The following FBXO25 variants were observed in gnomAD, a reference collection of about 807,000 sequenced individuals.
The protein encoded by FBXO25 is F-box only protein 25.
Under a neutral mutation model 51.9 loss-of-function variants are expected in FBXO25, and 45 were observed. That is an observed-to-expected ratio of 0.87 (90% CI 0.68 to 1.11). The LOEUF (loss-of-function observed/expected upper bound fraction) is 1.11, where lower values mean the gene tolerates loss of function less well. Among genes scored for constraint, FBXO25 ranks in the 50% most tolerant of loss-of-function variants. The pLI is 0.00. For missense variants in FBXO25, 507 were observed against 428.5 expected (o/e 1.18, Z -1.62); for synonymous variants, 199 against 151.0 (o/e 1.32, Z -2.33).
chr8:441,739 T>C (rs1585056022), intron 5 of FBXO25, among the ~76,000 whole-genome samples: 4 of 152,318 alleles, frequency 2.6e-5, no homozygotes. Context: ...AAGAAATTTA[T>C]GCAGCCAACA....
At chr8:411,089 T>C (rs149402593) in intron 1 of FBXO25, among the ~76,000 whole-genome samples, 8,533 of 152,284 alleles carry the variant, frequency 0.056, 267 homozygotes, top group Middle Eastern at 0.082. Context: ...TTATTCTCCA[T>C]GATGTAAATA....
chr8:430,634 C>T (rs974657724), intron 2 of FBXO25, among the ~76,000 whole-genome samples: 3 of 152,160 alleles, frequency 2.0e-5, no homozygotes, highest in Non-Finnish European at 4.4e-5. Context: ...AATCTGTTAT[C>T]AGTGTGTGGA....
chr8:437,691 G>C (rs1798182983), intron 5 of FBXO25, among the ~76,000 whole-genome samples: 1 of 151,718 alleles, frequency 6.6e-6, no homozygotes. Context: ...TAACCTCCCT[G>C]GCCCATGCCC....
rs114543850 is a variant in FBXO25, at chr8:431,855, C to G, written c.238+411C>G. Among the ~76,000 whole-genome samples, 758 of 152,226 alleles carry G rather than the reference C, an allele frequency of 5.0e-3. 8 individuals are homozygous for G. The highest frequency in any genetic ancestry group is 0.017 in the African/African-American group (713 of 41,546). ...GGGGAAGGCTGGAGGTGGGACCTAT[C>G]TATGTGAGGGCATAGAGCTCTATCA... is the stretch of plus-strand genomic sequence containing the variant. On this transcript the variant is annotated intron_variant, in intron 3 of 9. Transcript: ENST00000350302.
chr8:458,287 C>A, intron 7 of FBXO25, 82 bp from the exon 8 acceptor site: 1 of 1,462,702 alleles, frequency 6.8e-7, no homozygotes, highest in South Asian at 1.3e-5. Context: ...TTGAAGCATT[C>A]ATTCCAGCTT....
chr8:446,650 T>C (rs922163791), intron 5 of FBXO25, among the ~76,000 whole-genome samples: 3 of 152,220 alleles, frequency 2.0e-5, no homozygotes, highest in African/African-American at 7.2e-5. Flanking sequence ...ATTCAGTTAA[T>C]TTGAAAAGAT....
intron 5 of FBXO25, among the ~76,000 whole-genome samples, chr8:439,283 C>T (rs962182436): frequency 5.3e-5 from 8 of 152,196 alleles, no homozygotes; most frequent in Admixed American, 5.2e-4. Flanking sequence ...GACAGCCAGG[C>T]ACGAACAGCC....
At chr8:408,322 C>T (rs1406655991) in intron 1 of FBXO25, among the ~76,000 whole-genome samples, 2 of 123,422 alleles carry the variant, frequency 1.6e-5, no homozygotes, top group African/African-American at 2.8e-5. Flanking sequence ...CTGTAATAGA[C>T]GGTAAAAAAA....
chr8:441,481 C>T (rs964209873), intron 5 of FBXO25, among the ~76,000 whole-genome samples: 2 of 152,060 alleles, frequency 1.3e-5, no homozygotes, highest in Non-Finnish European at 2.9e-5. Flanking sequence ...TCTAAAACAC[C>T]AAAAGCAATG....
chr8:467,705 T>C lies in FBXO25; in HGVS notation c.988-1010T>C, dbSNP rs61010875. On this transcript the variant is annotated intron_variant, in intron 9 of 9. Transcript: ENST00000350302. The stretch of plus-strand genomic sequence containing the variant: ...CACTGCATTCCTTCCTGATTCTTTC[T>C]TCATGATCTCGAAGGACTACCATCT... The C allele has an allele frequency of 6.8e-6, 11 of 1,613,932 alleles. No individual in the cohort carries two copies. The East Asian group carries it at 2.5e-4, about 36-fold the overall frequency.
chr8:412,475 C>A (rs1563058960), intron 1 of FBXO25, among the ~76,000 whole-genome samples: 2 of 152,202 alleles, frequency 1.3e-5, no homozygotes, highest in Non-Finnish European at 2.9e-5. Flanking sequence ...TGACCCTCAC[C>A]CCATACCTTC....
In FBXO25 at chr8:413,235, C is replaced by T. The variant is rs1489133783; in HGVS notation, c.134+22C>T. 7.8e-6 allele frequency: 12 copies of T among 1,548,150 alleles called. No homozygotes were observed. In the South Asian group the frequency reaches 8.9e-5, roughly 11 times the overall value. On this transcript the variant is annotated intron_variant, in intron 2 of 9. Transcript: ENST00000350302. ...GCATGTAAGTTACAGCTGAGCAGAA[C>T]CATGCCATTTGCCAGTTTAGCATGT...
intron 5 of FBXO25, among the ~76,000 whole-genome samples, chr8:440,780 C>T (rs1314196841): frequency 1.5e-4 from 22 of 150,466 alleles, no homozygotes; most frequent in African/African-American, 5.4e-4. Flanking sequence ...ATGTTCCCCT[C>T]CCTGTGCCCA....
At chr8:444,789 C>T (rs374854874) in intron 5 of FBXO25, among the ~76,000 whole-genome samples, 1 of 152,228 alleles carries the variant, frequency 6.6e-6, no homozygotes, top group African/African-American at 2.4e-5. Context: ...TATACAGATA[C>T]TTGCCATTAT....
At chr8:441,691 A>G (rs1798435343) in intron 5 of FBXO25, among the ~76,000 whole-genome samples, 1 of 152,216 alleles carries the variant, frequency 6.6e-6, no homozygotes, top group African/African-American at 2.4e-5. Context: ...ACCCCATCAA[A>G]AAGTGGGTAA....
rs549768717 is a variant in FBXO25 at position 466,263 on chromosome 8, A to C, written c.988-2452A>C. 2.6e-5 allele frequency among the ~76,000 whole-genome samples: 4 copies of C among 152,362 alleles called. No homozygotes were observed. In the East Asian group the frequency reaches 7.7e-4, roughly 29 times the overall value. ...TGCCCAGTGTGGCTAACCAGAGGCG[A>C]GTGGCCTGGTGGGCCAAACCCAGAT... On this transcript the variant is annotated intron_variant, in intron 9 of 9. Transcript: ENST00000350302.
rs1800521789 is a variant in FBXO25 at position 472,745 on chromosome 8, TTTC to T, written c.*3944_*3946del. 2 of 152,258 alleles carry T rather than the reference TTTC, an allele frequency of 1.3e-5. No individual in the cohort carries two copies. The highest frequency in any genetic ancestry group is 6.5e-5 in the Admixed American group (1 of 15,284). 9.4% of individuals were successfully genotyped at this position (152,258 alleles called of 1,614,324 possible). On this transcript the variant is annotated 3_prime_UTR_variant, in exon 10 of 10. Transcript: ENST00000350302. Reference sequence around the variant, plus strand: ...TCTCCAGAGATGCCTTTTAATGGTTTTTCTTTTCATTGCGAAGGCCTAACTTAG... The same window carrying T: ...TCTCCAGAGATGCCTTTTAATGGTTTTTTTCATTGCGAAGGCCTAACTTAG...
chr8:438,940 G>A (rs1447071087), intron 5 of FBXO25, among the ~76,000 whole-genome samples: 4 of 152,168 alleles, frequency 2.6e-5, no homozygotes, highest in Non-Finnish European at 4.4e-5. Flanking sequence ...AGCCCCAGGA[G>A]CAGGGGCTTG....
Position 470,414 on chromosome 8 carries a change from G to C in FBXO25, c.*1610G>C, listed in dbSNP as rs1800442434. 6.6e-6 allele frequency: 1 copy of C among 152,108 alleles called. No homozygotes were observed. The highest frequency in any genetic ancestry group is 1.5e-5 in the Non-Finnish European group (1 of 68,090). 9.4% of individuals were successfully genotyped at this position (152,108 alleles called of 1,614,324 possible). A position where few individuals can be genotyped will look rare whatever the true frequency, so the allele number is the denominator to read the frequency against. On this transcript the variant is annotated 3_prime_UTR_variant, in exon 10 of 10. Transcript: ENST00000350302. Reference sequence around the variant, plus strand: ...TCTGTCACCCAGGCTGGAGTGCAGGGGTATGATGTCGGCTTACTGCAACCT... The same window carrying C: ...TCTGTCACCCAGGCTGGAGTGCAGGCGTATGATGTCGGCTTACTGCAACCT...
Sources: allele counts gnomAD v4.1 joint callset (sites outside exome capture counted in the v4.1 genomes callset), GRCh38; gene constraint gnomAD v4.1.1; transcripts MANE v1.5; gene names NCBI Gene and HGNC (gene_info 2026-07-23, HGNC 2026-07-21).